The following RAP1GAP2 variants were observed in gnomAD, a reference collection of about 807,000 sequenced individuals.
RAP1GAP2 encodes RAP1 GTPase activating protein 2.
RAP1GAP2 carries 27 observed loss-of-function variants against 95.0 expected under a neutral mutation model. The observed-to-expected ratio is 0.28, with a 90% CI of 0.21 to 0.39. The LOEUF (loss-of-function observed/expected upper bound fraction) is 0.39. RAP1GAP2 is among the 10% of genes least tolerant of loss of function. The pLI is 1.00. For missense variants in RAP1GAP2, 771 were observed against 970.0 expected (o/e 0.79, Z 2.72); for synonymous variants, 373 against 380.9 (o/e 0.98, Z 0.24).
intron 2 of RAP1GAP2, among the ~76,000 whole-genome samples, chr17:2,819,417 G>A (rs147631927): frequency 6.6e-6 from 1 of 151,544 alleles, no homozygotes; most frequent in East Asian, 1.9e-4. Context: ...CTGGGTACAA[G>A]TGATTCTCTT....
intron 2 of RAP1GAP2, among the ~76,000 whole-genome samples, chr17:2,800,922 T>G (rs990200695): frequency 6.7e-6 from 1 of 149,598 alleles, no homozygotes; most frequent in Non-Finnish European, 1.5e-5. Flanking sequence ...TGATCTCTGC[T>G]CACTGCAACC....
chr17:2,932,332 A>G (rs551038639), intron 3 of RAP1GAP2, among the ~76,000 whole-genome samples: 2 of 151,936 alleles, frequency 1.3e-5, no homozygotes, highest in African/African-American at 2.4e-5. Context: ...GGGGCACCTC[A>G]TGGTCTCTCT....
intron 3 of RAP1GAP2, among the ~76,000 whole-genome samples, chr17:2,948,870 C>T (rs575362444): frequency 1.3e-4 from 20 of 152,300 alleles, no homozygotes; most frequent in African/African-American, 2.9e-4. Context: ...CATCTTTTCC[C>T]GTCGCTTCTT....
At chr17:2,763,701 A>T (rs1313096246) in intron 1 of RAP1GAP2, among the ~76,000 whole-genome samples, 1 of 151,776 alleles carries the variant, frequency 6.6e-6, no homozygotes, top group Non-Finnish European at 1.5e-5. Flanking sequence ...GTCTCAAAAC[A>T]AAAAAAGAAT....
chr17:2,831,237 C>T (rs1335243712), intron 2 of RAP1GAP2, among the ~76,000 whole-genome samples: 4 of 148,212 alleles, frequency 2.7e-5, no homozygotes, highest in Admixed American at 2.1e-4. Context: ...CCACCACGCC[C>T]AGCTACTTTT....
intron 8 of RAP1GAP2, among the ~76,000 whole-genome samples, chr17:2,975,210 G>T (rs2151520155): frequency 6.6e-6 from 1 of 152,060 alleles, no homozygotes; most frequent in South Asian, 2.1e-4. Flanking sequence ...TCCAGCAGGT[G>T]ACAGAGCAAG....
At chr17:2,950,915 T>C (rs1299896208) in intron 3 of RAP1GAP2, among the ~76,000 whole-genome samples, 1 of 152,100 alleles carries the variant, frequency 6.6e-6, no homozygotes, top group East Asian at 1.9e-4. Context: ...CCGGCCTGCT[T>C]CAATTTTCAG....
chr17:2,933,503 A>G (rs2043219142), intron 3 of RAP1GAP2, among the ~76,000 whole-genome samples: 1 of 152,042 alleles, frequency 6.6e-6, no homozygotes, highest in African/African-American at 2.4e-5. Flanking sequence ...GGAGGCCAAC[A>G]CCTCCCTTTT....
intron 12 of RAP1GAP2, among the ~76,000 whole-genome samples, chr17:2,994,574 A>C (rs992620643): frequency 1.3e-5 from 2 of 152,206 alleles, no homozygotes; most frequent in African/African-American, 4.8e-5. Flanking sequence ...GACTGACTCC[A>C]GATGCTCCTC....
chr17:2,968,829 T>A (rs1401073883), intron 8 of RAP1GAP2, among the ~76,000 whole-genome samples: 3 of 152,024 alleles, frequency 2.0e-5, no homozygotes. Flanking sequence ...TTGAAAATTG[T>A]TAAGAAAAAA....
At chr17:2,964,193 G>A in intron 7 of RAP1GAP2, 125 bp downstream of exon 7, 2 of 887,072 alleles carry the variant, frequency 2.3e-6, no homozygotes, top group Admixed American at 2.9e-5. Context: ...CTGTGGGAGA[G>A]GAGCTGCCAG....
In RAP1GAP2 at chr17:3,034,847, C is replaced by T. The variant is rs2047429733; in HGVS notation, c.*1486C>T. On this transcript the variant is annotated 3_prime_UTR_variant, in exon 25 of 25. Transcript: ENST00000254695. The surrounding 1 kb of genome is among the most constrained non-coding windows in gnomAD (Gnocchi z 5.1). ...CAGGTACAACGAGCCTGAAGAGCCC[C>T]TTTCAGTGCAGACGGGGCTGCAGAG... 1 of 152,340 alleles carries T rather than the reference C, an allele frequency of 6.6e-6. No individual in the cohort carries two copies. The highest frequency in any genetic ancestry group is 2.4e-5 in the African/African-American group (1 of 41,466). 9.4% of individuals were successfully genotyped at this position (152,340 alleles called of 1,614,324 possible). A position where few individuals can be genotyped will look rare whatever the true frequency, so the allele number is the denominator to read the frequency against.
rs1052093483 is a variant in RAP1GAP2 at position 2,979,718 on chromosome 17, G to C, written c.597-569G>C. The stretch of plus-strand genomic sequence containing the variant: ...CTGACCTCGTGATCCACCCTCTTTG[G>C]CTTCCCAAAGTGCTGGGATTACAGG... On this transcript the variant is annotated intron_variant, in intron 8 of 24. Coordinates refer to ENST00000254695, the MANE Select transcript of RAP1GAP2 (RefSeq NM_015085.5). Among the ~76,000 whole-genome samples the C allele has an allele frequency of 5.3e-5, 8 of 151,136 alleles. 1 individual carries two copies. Among genetic ancestry groups the C allele is most frequent in the African/African-American group, 1.7e-4 (7 of 41,184 alleles).
At chr17:2,826,851 T>C (rs1240407684) in intron 2 of RAP1GAP2, among the ~76,000 whole-genome samples, 2 of 151,734 alleles carry the variant, frequency 1.3e-5, no homozygotes, top group Non-Finnish European at 2.9e-5. Context: ...ACTAAAAATA[T>C]AAAAATTAGC....
chr17:2,911,260 A>ATT (rs34227127), intron 3 of RAP1GAP2, among the ~76,000 whole-genome samples: 2 of 132,026 alleles, frequency 1.5e-5, no homozygotes, highest in African/African-American at 6.0e-5. Context: ...TTTGAAGGGG[A>ATT]TTTTTTTTTT....
chr17:2,852,496 C>G (rs1370297928), intron 2 of RAP1GAP2, among the ~76,000 whole-genome samples: 3 of 152,168 alleles, frequency 2.0e-5, no homozygotes, highest in Non-Finnish European at 4.4e-5. Context: ...AGCCTCAGGC[C>G]CTCGAATTCG....
At chr17:2,883,058 G>C (rs1368779061) in intron 2 of RAP1GAP2, among the ~76,000 whole-genome samples, 3 of 152,214 alleles carry the variant, frequency 2.0e-5, no homozygotes, top group Non-Finnish European at 4.4e-5. Context: ...CTGCGGGGTT[G>C]TCTTGGTCGG....
At chr17:2,948,898 C>T (rs966822125) in intron 3 of RAP1GAP2, among the ~76,000 whole-genome samples, 2 of 152,182 alleles carry the variant, frequency 1.3e-5, no homozygotes, top group African/African-American at 4.8e-5. Context: ...GCCGCCTGGG[C>T]AGTGGGCTGG....
intron 12 of RAP1GAP2, among the ~76,000 whole-genome samples, chr17:2,994,313 CATCTTAT>C: frequency 6.6e-6 from 1 of 152,214 alleles, no homozygotes; most frequent in East Asian, 1.9e-4. Flanking sequence ...ATTCTAGGTC[CATCTTAT>C]TTCATTTTCT....
Sources: gnomAD v4.1 joint callset for allele counts (sites outside exome capture counted in the v4.1 genomes callset) on GRCh38, gnomAD v4.1.1 for gene constraint, Gnocchi (gnomAD v3.1) non-coding constraint, MANE v1.5 for transcripts, NCBI Gene and HGNC (gene_info 2026-07-23, HGNC 2026-07-21) for gene names.